Variants in ABTB3 observed in about 807,000 individuals in gnomAD.
ABTB3 encodes ankyrin repeat- and BTB/POZ domain-containing protein 3.
chr12:107,434,635 G>A, the ABTB3 span, among the ~76,000 whole-genome samples: 1 of 152,166 alleles, frequency 6.6e-6, no homozygotes, highest in African/African-American at 2.4e-5. Flanking sequence ...GGCTGAGGCG[G>A]GAGGATTGCT....
the ABTB3 span, among the ~76,000 whole-genome samples, chr12:107,596,786 C>G: frequency 6.6e-6 from 1 of 152,170 alleles, no homozygotes; most frequent in African/African-American, 2.4e-5. Context: ...CACCTTCCTT[C>G]CCCCTTCCTT....
the ABTB3 span, among the ~76,000 whole-genome samples, chr12:107,635,870 C>CCACACACACA: frequency 8.7e-6 from 1 of 115,156 alleles, no homozygotes; most frequent in Non-Finnish European, 1.8e-5. Context: ...CCCCACCCAC[C>CCACACACACA]CACACACACA....
At chr12:107,429,345 A>T in the ABTB3 span, among the ~76,000 whole-genome samples, 1 of 152,322 alleles carries the variant, frequency 6.6e-6, no homozygotes, top group South Asian at 2.1e-4. Flanking sequence ...ATGAAAAGCC[A>T]CACTGCCATC....
the ABTB3 span, among the ~76,000 whole-genome samples, chr12:107,360,306 C>A: frequency 1.3e-5 from 2 of 152,238 alleles, no homozygotes; most frequent in South Asian, 4.2e-4. Flanking sequence ...GAAGAAACAG[C>A]TCATCAGGGG....
the ABTB3 span, among the ~76,000 whole-genome samples, chr12:107,477,533 G>A: frequency 1.3e-5 from 2 of 152,134 alleles, no homozygotes; most frequent in African/African-American, 4.8e-5. Flanking sequence ...GCTTTAGAGT[G>A]AATGCTATCG....
the ABTB3 span, among the ~76,000 whole-genome samples, chr12:107,611,691 C>T: frequency 2.4e-4 from 36 of 152,316 alleles, no homozygotes; most frequent in African/African-American, 7.9e-4. Flanking sequence ...AACACACCAG[C>T]TTTTCTTAAG....
the ABTB3 span, among the ~76,000 whole-genome samples, chr12:107,481,799 A>T: frequency 2.0e-5 from 3 of 151,924 alleles, no homozygotes; most frequent in Admixed American, 2.0e-4. Flanking sequence ...TCTCCCTGGG[A>T]CATTCTGAGC....
the ABTB3 span, among the ~76,000 whole-genome samples, chr12:107,648,420 A>G: frequency 6.6e-6 from 1 of 151,630 alleles, no homozygotes; most frequent in Non-Finnish European, 1.5e-5. Context: ...ACACAAAGAC[A>G]ATAGGAAGTA....
At chr12:107,354,957 A>G in the ABTB3 span, among the ~76,000 whole-genome samples, 1 of 152,182 alleles carries the variant, frequency 6.6e-6, no homozygotes, top group South Asian at 2.1e-4. Context: ...TCTCTATAGT[A>G]TTGTGTACTT....
chr12:107,444,206 C>T, the ABTB3 span, among the ~76,000 whole-genome samples: 4 of 152,248 alleles, frequency 2.6e-5, no homozygotes, highest in African/African-American at 9.6e-5. Flanking sequence ...GGTGTGCTGC[C>T]AGTCCCCCAC....
the ABTB3 span, among the ~76,000 whole-genome samples, chr12:107,335,851 G>C: frequency 6.6e-6 from 1 of 151,862 alleles, no homozygotes; most frequent in Non-Finnish European, 1.5e-5. Context: ...GACCCAACAG[G>C]GATGGAAGAG....
At chr12:107,654,448 G>A in the ABTB3 span, among the ~76,000 whole-genome samples, 27 of 152,060 alleles carry the variant, frequency 1.8e-4, no homozygotes, top group Non-Finnish European at 3.4e-4. Context: ...ACAGGCATGC[G>A]CCACCATGCC....
At chr12:107,357,455 A>G in the ABTB3 span, among the ~76,000 whole-genome samples, 1 of 152,050 alleles carries the variant, frequency 6.6e-6, no homozygotes. Flanking sequence ...AAAACTTTTA[A>G]AAAAAATTAG....
At chr12:107,529,778 C>T in the ABTB3 span, among the ~76,000 whole-genome samples, 3 of 152,172 alleles carry the variant, frequency 2.0e-5, no homozygotes, top group African/African-American at 7.2e-5. Context: ...TGGAGGCTCT[C>T]AGTCTGAGTC....
At chr12:107,587,178 T>C in the ABTB3 span, among the ~76,000 whole-genome samples, 1 of 152,238 alleles carries the variant, frequency 6.6e-6, no homozygotes, top group Non-Finnish European at 1.5e-5. Context: ...GAACTCACCA[T>C]GGAAGGTCTT....
At chr12:107,639,263 G>T in the ABTB3 span, among the ~76,000 whole-genome samples, 2 of 152,224 alleles carry the variant, frequency 1.3e-5, no homozygotes. Flanking sequence ...AGGCAGTGGA[G>T]CCCAGTCACA....
At chr12:107,581,122 C>G in the ABTB3 span, 16 of 1,545,110 alleles carry the variant, frequency 1.0e-5, no homozygotes, top group African/African-American at 2.2e-4. Flanking sequence ...GGCCCTAACG[C>G]GCGTCTCCGG....
the ABTB3 span, among the ~76,000 whole-genome samples, chr12:107,488,277 T>TG: frequency 6.6e-6 from 1 of 152,116 alleles, no homozygotes; most frequent in Non-Finnish European, 1.5e-5. Flanking sequence ...GTGACTCAGT[T>TG]GGGGTCATAG....
At chr12:107,408,333 C>T in the ABTB3 span, among the ~76,000 whole-genome samples, 1 of 152,154 alleles carries the variant, frequency 6.6e-6, no homozygotes, top group Non-Finnish European at 1.5e-5. Context: ...GCTGTCCCAT[C>T]CTTATCGGGC....
Sources: allele counts gnomAD v4.1 joint callset (sites outside exome capture counted in the v4.1 genomes callset), GRCh38; gene constraint gnomAD v4.1.1; transcripts MANE v1.5; gene names NCBI Gene and HGNC (gene_info 2026-07-23, HGNC 2026-07-21).